Variants in ANKRD27 observed in about 807,000 individuals in gnomAD.
ANKRD27 encodes ankyrin repeat domain-containing protein 27.
Under a neutral mutation model 129.7 loss-of-function variants are expected in ANKRD27, and 112 were observed. That is an observed-to-expected ratio of 0.86 (90% CI 0.74 to 1.01). ANKRD27 has a LOEUF of 1.01. ANKRD27 is among the 50% of genes least tolerant of loss of function. The pLI, the probability that ANKRD27 is intolerant of heterozygous loss-of-function variation, is 0.00. For missense variants in ANKRD27, 1,258 were observed against 1,300.5 expected, an observed-to-expected ratio of 0.97 and a Z score of 0.50; for synonymous variants, 516 against 511.2, an observed-to-expected ratio of 1.01 and a Z score of -0.13.
intron 5 of ANKRD27, 69 bp from the exon 6 acceptor site, chr19:32,643,700 G>A: frequency 6.6e-7 from 1 of 1,523,626 alleles, no homozygotes; most frequent in Non-Finnish European, 9.1e-7. Context: ...GCCGGAGCGG[G>A]TAAGGCGCAC....
At chr19:32,618,785 C>T (rs1335412906) in intron 20 of ANKRD27, among the ~76,000 whole-genome samples, 1 of 152,108 alleles carries the variant, frequency 6.6e-6, no homozygotes, top group Non-Finnish European at 1.5e-5. Flanking sequence ...GTGGCTCACG[C>T]CTGTAATCCC....
intron 22 of ANKRD27, among the ~76,000 whole-genome samples, chr19:32,609,716 G>A (rs1399302784): frequency 2.0e-5 from 3 of 151,936 alleles, no homozygotes; most frequent in Non-Finnish European, 2.9e-5. Context: ...TGCAAGTGAG[G>A]GAAACGTTGT....
chr19:32,667,075 G>A (rs1450889897), intron 1 of ANKRD27, among the ~76,000 whole-genome samples: 1 of 152,176 alleles, frequency 6.6e-6, no homozygotes, highest in African/African-American at 2.4e-5. Flanking sequence ...TTCACTATCT[G>A]TGACATGCAG....
intron 1 of ANKRD27, among the ~76,000 whole-genome samples, chr19:32,674,774 C>T (rs1967950243): frequency 1.3e-5 from 2 of 151,958 alleles, no homozygotes; most frequent in African/African-American, 4.8e-5. Context: ...ACCCCGGCCA[C>T]ACCCGCCGGT....
intron 11 of ANKRD27, 78 bp downstream of exon 11, chr19:32,640,229 C>T (rs1025980083): frequency 1.0e-4 from 122 of 1,187,318 alleles, no homozygotes; most frequent in Non-Finnish European, 1.4e-4. Flanking sequence ...TCCCAAAGTG[C>T]TGGGATTACA....
intron 22 of ANKRD27, among the ~76,000 whole-genome samples, chr19:32,615,027 T>C (rs1274032731): frequency 3.9e-5 from 6 of 152,250 alleles, no homozygotes; most frequent in African/African-American, 1.4e-4. Context: ...AGAACATGCG[T>C]GCAGCTTCCC....
intron 12 of ANKRD27, among the ~76,000 whole-genome samples, chr19:32,637,044 G>A (rs186953043): frequency 1.3e-3 from 202 of 152,206 alleles, no homozygotes; most frequent in African/African-American, 4.5e-3. Flanking sequence ...CACCGTGCCC[G>A]GCCCAGCACA....
At chr19:32,646,727 G>A in intron 3 of ANKRD27, 112 bp from the exon 4 acceptor site, 2 of 1,071,042 alleles carry the variant, frequency 1.9e-6, no homozygotes, top group East Asian at 2.6e-5. Flanking sequence ...ACCCCATTGT[G>A]GGTTTGCTGG....
Position 32,642,068 on chromosome 19 carries a change from A to ACTTTC in ANKRD27, c.859_860insGAAAG (p.Leu287Ter). On this transcript the variant is annotated stop_gained and frameshift_variant, in exon 10 of 29. Coordinates refer to ENST00000306065, the MANE Select transcript of ANKRD27 (RefSeq NM_032139.3). LOFTEE classifies it high-confidence loss of function. Reference sequence around the variant, plus strand: ...TGTAATGAGCTGCACCACTTTTCGCAAGCAGACAAGCTTCTGCTGTGGGGA... The same window carrying ACTTTC: ...TGTAATGAGCTGCACCACTTTTCGCACTTTCAGCAGACAAGCTTCTGCTGTGGGGA... The ACTTTC allele has an allele frequency of 6.2e-7, 1 of 1,610,992 alleles. No homozygotes were observed. The highest frequency in any genetic ancestry group is 8.5e-7 in the Non-Finnish European group (1 of 1,177,896).
In ANKRD27 at chr19:32,626,869, G is replaced by A. The variant is rs62124306; in HGVS notation, c.1421-42C>T. The A allele has an allele frequency of 2.0e-5, 28 of 1,410,784 alleles. 1 individual carries two copies. Among genetic ancestry groups the A allele is most frequent in the Middle Eastern group, 3.5e-4 (2 of 5,738 alleles). 87.4% of individuals were successfully genotyped at this position (1,410,784 alleles called of 1,614,324 possible). ...CGTCACGATGGAGAAGGAAGGCGCAGAGGCCTTCCACACCTTAACTGTAAA... is the reference window on the plus strand; with the variant it reads ...CGTCACGATGGAGAAGGAAGGCGCAAAGGCCTTCCACACCTTAACTGTAAA... On this transcript the variant is annotated intron_variant, in intron 15 of 28. Coordinates refer to ENST00000306065, the MANE Select transcript of ANKRD27 (RefSeq NM_032139.3).
intron 2 of ANKRD27, among the ~76,000 whole-genome samples, chr19:32,650,488 A>G (rs565168043): frequency 3.2e-4 from 49 of 152,096 alleles, no homozygotes; most frequent in Non-Finnish European, 5.7e-4. Context: ...GCAGTTTGAG[A>G]CCAGCCTGGT....
intron 11 of ANKRD27, among the ~76,000 whole-genome samples, chr19:32,639,723 G>A (rs1461832384): frequency 6.6e-6 from 1 of 152,224 alleles, no homozygotes; most frequent in East Asian, 1.9e-4. Flanking sequence ...AAACTGAGCT[G>A]TGGGTTCCAG....
chr19:32,658,553 G>A (rs1433511843), intron 2 of ANKRD27, among the ~76,000 whole-genome samples: 1 of 152,190 alleles, frequency 6.6e-6, no homozygotes, highest in Admixed American at 6.5e-5. Flanking sequence ...ACCAGGACTC[G>A]TAAGGCCCCA....
At chr19:32,610,524 GCTC>G (rs1971819550) in intron 22 of ANKRD27, among the ~76,000 whole-genome samples, 1 of 150,894 alleles carries the variant, frequency 6.6e-6, no homozygotes, top group South Asian at 2.1e-4. Context: ...AAGCGCAGTG[GCTC>G]ATGCCTATAA....
At chr19:32,643,754 G>A in intron 5 of ANKRD27, 123 bp from the exon 6 acceptor site, 1 of 1,002,510 alleles carries the variant, frequency 1.0e-6, no homozygotes, top group Non-Finnish European at 1.5e-6. Context: ...TCAATTACGT[G>A]ATTTTTCTCA....
Position 32,599,868 on chromosome 19 carries a change from A to G in ANKRD27, c.2847-92T>C, listed in dbSNP as rs576130475. The G allele has an allele frequency of 6.6e-6, 10 of 1,515,590 alleles. No individual in the cohort carries two copies. The South Asian group carries it at 9.1e-5, about 14-fold the overall frequency. The allele number at this position is 1,515,590 out of a possible 1,614,324, so 93.9% of individuals were successfully genotyped here. ...AGGTGGCAGCATTTTTGACATTAGTAGGTGCAGATTTGTCCATAACCAATT... is the reference window on the plus strand; with the variant it reads ...AGGTGGCAGCATTTTTGACATTAGTGGGTGCAGATTTGTCCATAACCAATT... On this transcript the variant is annotated intron_variant, in intron 27 of 28. Coordinates refer to ENST00000306065, the MANE Select transcript of ANKRD27 (RefSeq NM_032139.3).
At chr19:32,610,686 G>A (rs1679503449) in intron 22 of ANKRD27, among the ~76,000 whole-genome samples, 1 of 152,142 alleles carries the variant, frequency 6.6e-6, no homozygotes, top group Admixed American at 6.6e-5. Context: ...CAGCTACTCG[G>A]GAGGCTGAGG....
intron 22 of ANKRD27, among the ~76,000 whole-genome samples, chr19:32,614,435 G>A (rs1971881464): frequency 1.3e-5 from 2 of 152,066 alleles, no homozygotes; most frequent in South Asian, 2.1e-4. Flanking sequence ...CAGGCGCAGC[G>A]GCTCACACCT....
At chr19:32,631,568 C>CCCGG (rs1261602915) in intron 12 of ANKRD27, 74 bp from the exon 13 acceptor site, 1 of 1,201,752 alleles carries the variant, frequency 8.3e-7, no homozygotes, top group African/African-American at 1.5e-5. Context: ...CAGCAACAAC[C>CCCGG]CCGGCTGTCT....
Sources: allele counts gnomAD v4.1 joint callset (sites outside exome capture counted in the v4.1 genomes callset), GRCh38; gene constraint gnomAD v4.1.1; transcripts MANE v1.5; gene names NCBI Gene and HGNC (gene_info 2026-07-23, HGNC 2026-07-21).